Variants in CUX1 observed in about 807,000 individuals in gnomAD.
The protein encoded by CUX1 is cut like homeobox 1, also known as protein CASP.
Under a neutral mutation model 158.8 loss-of-function variants are expected in CUX1, and 31 were observed. That is an observed-to-expected ratio of 0.20 (90% confidence interval 0.15 to 0.26). CUX1 has a LOEUF of 0.26. Ranked by LOEUF, CUX1 falls within the 10% of genes least tolerant of loss-of-function variation. CUX1 has a pLI of 1.00. For missense variants in CUX1, 1,589 were observed against 2,014.6 expected, an observed-to-expected ratio of 0.79 and a Z score of 4.04; for synonymous variants, 879 against 862.1, an observed-to-expected ratio of 1.02 and a Z score of -0.34.
rs990021267 is a variant in CUX1 at position 101,898,004 on chromosome 7, C to T, written c.31-18111C>T. On this transcript the variant is annotated intron_variant, in intron 1 of 23. Coordinates refer to ENST00000292535, the MANE Select transcript of CUX1 (RefSeq NM_181552.4). ...TTGCCTGCGTGGATCCAGTAGCACC[C>T]CCGGTACCCCGGTGGGCCTTTTTGG... Among the ~76,000 whole-genome samples, 7 of 152,320 alleles carry T rather than the reference C, an allele frequency of 4.6e-5. No homozygotes were observed. In the East Asian group the frequency reaches 7.7e-4, roughly 17 times the overall value.
chr7:102,243,066 G>A (rs1421339382), intron 23 of CUX1, among the ~76,000 whole-genome samples: 1 of 152,146 alleles, frequency 6.6e-6, no homozygotes, highest in Non-Finnish European at 1.5e-5. Flanking sequence ...TTGAGGCCAG[G>A]AGTTCGAGAC....
chr7:101,842,895 CAG>C (rs1251712174), intron 1 of CUX1, among the ~76,000 whole-genome samples: 7 of 111,318 alleles, frequency 6.3e-5, no homozygotes, highest in African/African-American at 2.1e-4. Flanking sequence ...TTTTTTGAGA[CAG>C]AGTCTCTCTC....
intron 8 of CUX1, among the ~76,000 whole-genome samples, chr7:102,126,730 T>G (rs1290734750): frequency 1.3e-5 from 2 of 152,128 alleles, no homozygotes; most frequent in Admixed American, 6.6e-5. Context: ...GAAAGATAAT[T>G]TTTCCATGGA....
chr7:102,097,054 C>T (rs781933647), intron 4 of CUX1, among the ~76,000 whole-genome samples: 1 of 152,236 alleles, frequency 6.6e-6, no homozygotes, highest in Non-Finnish European at 1.5e-5. Context: ...TATTTCTCTA[C>T]TTATCTGATC....
rs182007493 is a variant in CUX1, at chr7:102,264,386, G to C, written c.1256-8980G>C. Reference sequence around the variant, plus strand: ...GTGAGAAGGAAGGACGTTCTAGGCAGTGAGAACTGCCAGTTCAAAGGTCTC... The same window carrying C: ...GTGAGAAGGAAGGACGTTCTAGGCACTGAGAACTGCCAGTTCAAAGGTCTC... On this transcript the variant is annotated intron_variant, in intron 14 of 22. Coordinates refer to the CUX1 transcript ENST00000292538. Among the ~76,000 whole-genome samples the C allele has an allele frequency of 2.2e-4, 33 of 152,318 alleles. No homozygotes were observed. The East Asian group carries it at 4.1e-3, about 19-fold the overall frequency.
chr7:102,055,340 A>G (rs571006978), intron 3 of CUX1, among the ~76,000 whole-genome samples: 3 of 152,334 alleles, frequency 2.0e-5, no homozygotes, highest in South Asian at 4.1e-4. Context: ...TGTTTCTTCA[A>G]AAATGGAAGT....
At chr7:102,103,886 T>C (rs1230242105) in intron 5 of CUX1, among the ~76,000 whole-genome samples, 1 of 152,196 alleles carries the variant, frequency 6.6e-6, no homozygotes, top group Admixed American at 6.5e-5. Context: ...GTAGACTTTC[T>C]TGACTCCACT....
intron 22 of CUX1, among the ~76,000 whole-genome samples, chr7:102,235,452 G>A (rs1799455985): frequency 6.6e-6 from 1 of 152,080 alleles, no homozygotes; most frequent in Non-Finnish European, 1.5e-5. Flanking sequence ...TGTAATCCCA[G>A]CACTTTGGGA....
chr7:102,160,492 C>T (rs1554506716), intron 9 of CUX1, among the ~76,000 whole-genome samples: 1 of 152,006 alleles, frequency 6.6e-6, no homozygotes, highest in African/African-American at 2.4e-5. Flanking sequence ...CTCGGTGGAC[C>T]CCAGTCTTAG....
intron 1 of CUX1, among the ~76,000 whole-genome samples, chr7:101,862,506 A>G (rs1342277817): frequency 6.6e-6 from 1 of 152,112 alleles, no homozygotes; most frequent in Non-Finnish European, 1.5e-5. Flanking sequence ...AGTCCCCAGC[A>G]CAGAGACTGG....
Position 102,251,279 on chromosome 7 carries a change from A to T in CUX1, c.*2237A>T. Reference sequence around the variant, plus strand: ...GGGAGGGAGTTATAATTTTAAAGGTATGCTCTGGCTGTTCCACCTCCGTGT... The same window carrying T: ...GGGAGGGAGTTATAATTTTAAAGGTTTGCTCTGGCTGTTCCACCTCCGTGT... On this transcript the variant is annotated 3_prime_UTR_variant, in exon 24 of 24. Transcript: ENST00000292535. The T allele has an allele frequency of 1.0e-6, 1 of 985,036 alleles. No individual in the cohort carries two copies. The highest frequency in any genetic ancestry group is 1.2e-6 in the Non-Finnish European group (1 of 829,778). The allele number at this position is 985,036 out of a possible 1,614,324, so 61.0% of individuals were successfully genotyped here. A position where few individuals can be genotyped will look rare whatever the true frequency, so the allele number is the denominator to read the frequency against.
chr7:101,816,077 A>G, upstream of CUX1: 1 of 1,405,784 alleles, frequency 7.1e-7, no homozygotes, highest in Non-Finnish European at 9.5e-7. Context: ...AAGCGCTTTG[A>G]TTTACAGCAG....
chr7:102,175,992 C>T (rs1792275318), intron 10 of CUX1, among the ~76,000 whole-genome samples: 1 of 152,260 alleles, frequency 6.6e-6, no homozygotes, highest in Non-Finnish European at 1.5e-5. Context: ...GCAGCTCACG[C>T]TGCACAGAAC....
At chr7:101,968,350 C>T (rs1811482837) in intron 2 of CUX1, among the ~76,000 whole-genome samples, 1 of 152,190 alleles carries the variant, frequency 6.6e-6, no homozygotes, top group African/African-American at 2.4e-5. Flanking sequence ...GGACAACCCT[C>T]TGCAGACTTG....
chr7:101,917,639 C>T (rs561067510), intron 2 of CUX1, among the ~76,000 whole-genome samples: 1 of 152,332 alleles, frequency 6.6e-6, no homozygotes, highest in Non-Finnish European at 1.5e-5. Context: ...CTTCTGTTGC[C>T]TCCAGCGGCT....
chr7:102,105,853 T>G (rs1554488258), intron 6 of CUX1, among the ~76,000 whole-genome samples: 1 of 151,666 alleles, frequency 6.6e-6, no homozygotes, highest in African/African-American at 2.4e-5. Context: ...AATTAAGGTA[T>G]TAAGTTTTAT....
chr7:102,208,517 A>G (rs1325795216), intron 20 of CUX1, among the ~76,000 whole-genome samples: 1 of 152,272 alleles, frequency 6.6e-6, no homozygotes, highest in African/African-American at 2.4e-5. Context: ...CTGGGATTAT[A>G]GGCATGAGCC....
chr7:102,201,826 C>G lies in CUX1; in HGVS notation c.2529C>G (p.Ala843=). 1 of 1,613,072 alleles carries G rather than the reference C, an allele frequency of 6.2e-7. No individual in the cohort carries two copies. Among genetic ancestry groups the G allele is most frequent in the Non-Finnish European group, 8.5e-7 (1 of 1,179,888 alleles). ...RNAASSEEAK[A]EETGGGKEKG... is the part of the protein sequence containing the mutation. ...CCGCCTCCTCCGAGGAGGCCAAGGC[C>G]GAAGAAACGGGCGGCGGGAAAGAGA... The change falls in exon 18 of 24, where the codon GCC becomes GCG. Residue 843 remains alanine (A), a synonymous_variant. Transcript: ENST00000292535. The surrounding 1 kb of genome is among the most constrained non-coding windows in gnomAD (Gnocchi z 5.0).
chr7:102,205,105 C>G lies in CUX1; in HGVS notation c.3074-9C>G, dbSNP rs1218835716. 6.3e-7 allele frequency: 1 copy of G among 1,599,984 alleles called. No individual in the cohort carries two copies. Among genetic ancestry groups the G allele is most frequent in the African/African-American group, 1.3e-5 (1 of 74,750 alleles). On this transcript the variant is annotated splice_polypyrimidine_tract_variant and intron_variant, in intron 19 of 23. Coordinates refer to ENST00000292535, the MANE Select transcript of CUX1 (RefSeq NM_181552.4). ...TCCTTCCTTTAATTATAACCTTTTT[C>G]TACTTTAGTCCTCCACTCCGTGACA...
Sources: gnomAD v4.1 joint callset for allele counts (sites outside exome capture counted in the v4.1 genomes callset) on GRCh38, gnomAD v4.1.1 for gene constraint, Gnocchi (gnomAD v3.1) non-coding constraint, MANE v1.5 for transcripts, NCBI Gene and HGNC (gene_info 2026-07-23, HGNC 2026-07-21) for gene names.